Variants in SLC25A18 observed in about 807,000 individuals in gnomAD.
SLC25A18 encodes the protein mitochondrial glutamate carrier 2.
Under a neutral mutation model 31.1 loss-of-function variants are expected in SLC25A18, and 24 were observed. That is an observed-to-expected ratio of 0.77 (90% CI 0.56 to 1.08). SLC25A18 has a LOEUF of 1.08. SLC25A18 is among the 50% of genes least tolerant of loss of function. SLC25A18 has a pLI of 0.00. For synonymous variants in SLC25A18, 173 were observed against 161.9 expected (o/e 1.07, Z -0.52); for missense variants, 371 against 418.5 (o/e 0.89, Z 0.99).
intron 7 of SLC25A18, among the ~76,000 whole-genome samples, chr22:17,586,785 T>C (rs1213230040): frequency 6.6e-6 from 1 of 152,044 alleles, no homozygotes; most frequent in Non-Finnish European, 1.5e-5. Flanking sequence ...ATGACCTACA[T>C]AGGCTGAGAA....
intron 1 of SLC25A18, among the ~76,000 whole-genome samples, chr22:17,564,582 T>G (rs1555942004): frequency 1.8e-4 from 27 of 151,824 alleles, no homozygotes; most frequent in Non-Finnish European, 4.4e-5. Flanking sequence ...TTAAGTTGGC[T>G]GGGGCGCGGT....
chr22:17,582,390 T>G, intron 5 of SLC25A18, 173 bp from the exon 6 acceptor site: 1 of 486,982 alleles, frequency 2.1e-6, no homozygotes, highest in Non-Finnish European at 3.6e-6. Flanking sequence ...AAAAGGAGAA[T>G]GTGGTAGGGA....
chr22:17,582,800 G>A, intron 6 of SLC25A18, 147 bp downstream of exon 6: 1 of 706,618 alleles, frequency 1.4e-6, no homozygotes, highest in Non-Finnish European at 2.4e-6. Context: ...GTGTGTTTGG[G>A]CTGCTGGAGA....
At chr22:17,586,913 T>G (rs2057565551) in intron 7 of SLC25A18, among the ~76,000 whole-genome samples, 1 of 152,274 alleles carries the variant, frequency 6.6e-6, no homozygotes, top group East Asian at 1.9e-4. Context: ...TCTTGGGAAG[T>G]GTTCTCAGCA....
At chr22:17,588,632 A>T (rs1601352003) in intron 9 of SLC25A18, 1 of 152,468 alleles carries the variant, frequency 6.6e-6, no homozygotes, top group Admixed American at 6.5e-5. Flanking sequence ...CCTGGGCGAC[A>T]GCACAAGACT....
rs1385602900 is a variant in SLC25A18, at chr22:17,589,643, A to G, written c.784A>G (p.Ser262Gly). ...GAAAGGCCTGGGCGAGGACATGTACAGTGGGATCACCGACTGTGCCAGGTG... is the reference window on the plus strand; with the variant it reads ...GAAAGGCCTGGGCGAGGACATGTACGGTGGGATCACCGACTGTGCCAGGTG... ...LKKGLGEDMY[S>G]GITDCARKLW... Residue 262 changes from serine to glycine, a missense_variant, in exon 10 of 11, where the codon AGT becomes GGT. Physicochemically the swap from Ser to Gly is moderately conservative, Grantham distance 56 (BLOSUM62 0). Transcript: ENST00000327451. The G allele has an allele frequency of 6.2e-7, 1 of 1,614,116 alleles. No individual in the cohort carries two copies. The highest frequency in any genetic ancestry group is 1.1e-5 in the South Asian group (1 of 91,076).
At chr22:17,584,049 T>G in intron 7 of SLC25A18, 1 of 984,928 alleles carries the variant, frequency 1.0e-6, no homozygotes, top group Non-Finnish European at 1.2e-6. Flanking sequence ...AGAAAATACT[T>G]AAGGCTTCTG....
At chr22:17,582,013 A>C (rs2057388506) in intron 5 of SLC25A18, 1 of 153,942 alleles carries the variant, frequency 6.5e-6, no homozygotes, top group Non-Finnish European at 1.4e-5. Flanking sequence ...CACCAGCAGC[A>C]ACAAAAATAA....
In SLC25A18 at chr22:17,588,021, C is replaced by T. The variant is rs2057603023; in HGVS notation, c.672C>T (p.Ser224=). 1 of 1,614,100 alleles carries T rather than the reference C, an allele frequency of 6.2e-7. No homozygotes were observed. Among genetic ancestry groups the T allele is most frequent in the African/African-American group, 1.3e-5 (1 of 74,932 alleles). ...ELAGKASFAH[S]FVSGCVAGSI... is the part of the protein sequence containing the mutation. ...CCGGTAAGGCGTCCTTTGCACATTC[C>T]TTCGTGTCAGGCTGTGTGGCAGGTT... The change falls in exon 9 of 11, where the codon TCC becomes TCT. Residue 224 remains serine, a synonymous_variant. Coordinates refer to ENST00000327451, the MANE Select transcript of SLC25A18 (RefSeq NM_031481.3).
At chr22:17,590,061 G>A in intron 10 of SLC25A18, 34 bp from the exon 11 acceptor site, 1 of 1,612,326 alleles carries the variant, frequency 6.2e-7, no homozygotes, top group East Asian at 2.2e-5. Context: ...GAATGCCCCT[G>A]CCCATCAGCT....
chr22:17,584,781 C>CAAAAAAAAAAAAAAA (rs66948770), intron 7 of SLC25A18, among the ~76,000 whole-genome samples: 1 of 20,060 alleles, frequency 5.0e-5, no homozygotes, highest in Non-Finnish European at 1.1e-4. Flanking sequence ...GAATTCATCT[C>CAAAAAAAAAAAAAAA]AAAAAAAAAA....
At chr22:17,579,252 A>C (rs759064610) in intron 2 of SLC25A18, among the ~76,000 whole-genome samples, 2 of 151,862 alleles carry the variant, frequency 1.3e-5, no homozygotes, top group Non-Finnish European at 2.9e-5. Context: ...ACACCCAGCT[A>C]ATTTTTGCAT....
intron 1 of SLC25A18, chr22:17,569,520 G>T: frequency 1.4e-6 from 1 of 723,348 alleles, no homozygotes; most frequent in Non-Finnish European, 1.7e-6. Context: ...GAGAAGCAGA[G>T]ATTTGCTTCT....
intron 2 of SLC25A18, among the ~76,000 whole-genome samples, chr22:17,572,440 G>A (rs1296076860): frequency 4.2e-5 from 6 of 143,152 alleles, no homozygotes; most frequent in African/African-American, 1.6e-4. Flanking sequence ...AGCCGAGATC[G>A]TGCCATTGCA....
At chr22:17,566,268 C>G (rs1011687918) in intron 1 of SLC25A18, among the ~76,000 whole-genome samples, 1 of 152,186 alleles carries the variant, frequency 6.6e-6, no homozygotes, top group Non-Finnish European at 1.5e-5. Flanking sequence ...CTAACACTCT[C>G]AGTGGGGGGA....
intron 2 of SLC25A18, among the ~76,000 whole-genome samples, chr22:17,577,022 G>C (rs1263256753): frequency 6.6e-6 from 1 of 151,938 alleles, no homozygotes; most frequent in Non-Finnish European, 1.5e-5. Context: ...ACCGCACCTG[G>C]CTAATTTTTT....
chr22:17,564,157 T>C (rs963371579), intron 1 of SLC25A18, among the ~76,000 whole-genome samples: 4 of 152,200 alleles, frequency 2.6e-5, no homozygotes, highest in Non-Finnish European at 5.9e-5. Context: ...ATGTCCAGTG[T>C]GATGCTAAAC....
intron 1 of SLC25A18, chr22:17,569,704 A>G: frequency 3.0e-6 from 3 of 985,404 alleles, no homozygotes; most frequent in Non-Finnish European, 3.6e-6. Flanking sequence ...CCACCAAGTA[A>G]ACAGCAACCT....
intron 7 of SLC25A18, among the ~76,000 whole-genome samples, chr22:17,584,781 C>CAAAAA (rs66948770): frequency 2.8e-3 from 57 of 20,060 alleles, no homozygotes; most frequent in South Asian, 3.3e-3. Context: ...GAATTCATCT[C>CAAAAA]AAAAAAAAAA....
Sources: allele counts gnomAD v4.1 joint callset (sites outside exome capture counted in the v4.1 genomes callset), GRCh38; gene constraint gnomAD v4.1.1; transcripts MANE v1.5; gene names NCBI Gene and HGNC (gene_info 2026-07-23, HGNC 2026-07-21).